The following GLRA3 variants were observed in gnomAD, a reference collection of about 807,000 sequenced individuals.
GLRA3 encodes the protein glycine receptor subunit alpha-3.
A neutral mutation model predicts 60.4 loss-of-function variants in GLRA3; 44 were observed. That is an observed-to-expected ratio of 0.73 (90% confidence interval 0.57 to 0.94). The LOEUF is 0.94. Ranked by LOEUF, GLRA3 falls within the 40% of genes least tolerant of loss-of-function variation. The probability of loss-of-function intolerance (pLI) is 0.00; values close to 1 mark genes in which losing one functional copy is unlikely to be tolerated. For missense variants in GLRA3, 508 were observed against 564.6 expected (o/e 0.90, Z 1.02); for synonymous variants, 223 against 192.9 (o/e 1.16, Z -1.29).
intron 3 of GLRA3, among the ~76,000 whole-genome samples, chr4:174,745,172 A>T (rs959142199): frequency 1.3e-5 from 2 of 152,216 alleles, no homozygotes; most frequent in Non-Finnish European, 2.9e-5. Context: ...CAAACATACA[A>T]ATTATTGGTA....
intron 5 of GLRA3, among the ~76,000 whole-genome samples, chr4:174,689,036 C>G (rs1734676537): frequency 6.6e-6 from 1 of 152,096 alleles, no homozygotes; most frequent in South Asian, 2.1e-4. Flanking sequence ...AATCATTTTT[C>G]AGGTATAAGA....
intron 7 of GLRA3, among the ~76,000 whole-genome samples, chr4:174,664,231 G>A (rs532942823): frequency 4.6e-5 from 7 of 152,152 alleles, no homozygotes; most frequent in South Asian, 2.1e-4. Flanking sequence ...CTAATCCATC[G>A]TATCTATCCC....
chr4:174,660,040 TTGTG>T (rs1030935685), intron 7 of GLRA3, among the ~76,000 whole-genome samples: 43 of 151,924 alleles, frequency 2.8e-4, no homozygotes, highest in African/African-American at 9.6e-4. Context: ...ACATTTATTG[TTGTG>T]TGTGTATGTG....
chr4:174,827,015 A>T (rs1049960109), intron 1 of GLRA3, among the ~76,000 whole-genome samples: 1 of 151,928 alleles, frequency 6.6e-6, no homozygotes. Context: ...ATAGAGAAAA[A>T]TTTATTTGAT....
chr4:174,705,075 A>T (rs1448346644), intron 5 of GLRA3, among the ~76,000 whole-genome samples: 1 of 144,092 alleles, frequency 6.9e-6, no homozygotes, highest in African/African-American at 2.5e-5. Context: ...AAGATGGTAC[A>T]TTTTGTTTGT....
intron 2 of GLRA3, among the ~76,000 whole-genome samples, chr4:174,772,957 T>C (rs1023951335): frequency 1.5e-4 from 23 of 152,152 alleles, no homozygotes; most frequent in African/African-American, 5.6e-4. Context: ...ACCCCTTCGG[T>C]TTCTGGTGCA....
intron 1 of GLRA3, among the ~76,000 whole-genome samples, chr4:174,820,911 T>A (rs577304126): frequency 5.7e-4 from 87 of 152,246 alleles, no homozygotes; most frequent in African/African-American, 2.0e-3. Context: ...ATTTTTTTTT[T>A]AAATTTCATA....
At chr4:174,798,760 T>C (rs1430515849) in intron 1 of GLRA3, among the ~76,000 whole-genome samples, 1 of 152,012 alleles carries the variant, frequency 6.6e-6, no homozygotes, top group Non-Finnish European at 1.5e-5. Context: ...CCGTCTCTAC[T>C]AAAAATACAA....
intron 5 of GLRA3, among the ~76,000 whole-genome samples, chr4:174,709,130 G>A (rs1245902489): frequency 1.3e-5 from 2 of 151,840 alleles, no homozygotes; most frequent in Non-Finnish European, 2.9e-5. Flanking sequence ...TGTTGCTAGC[G>A]CTTCAAACAG....
intron 1 of GLRA3, among the ~76,000 whole-genome samples, chr4:174,794,216 A>G (rs1394422529): frequency 6.6e-6 from 1 of 152,154 alleles, no homozygotes; most frequent in Non-Finnish European, 1.5e-5. Context: ...ACCTATTATA[A>G]TAGTTTGATA....
chr4:174,807,414 A>C (rs1740094981), intron 1 of GLRA3, among the ~76,000 whole-genome samples: 1 of 152,136 alleles, frequency 6.6e-6, no homozygotes, highest in Non-Finnish European at 1.5e-5. Context: ...ACAGCAAACG[A>C]GAAATTCCTA....
chr4:174,707,406 T>C (rs900630119), intron 5 of GLRA3, among the ~76,000 whole-genome samples: 4 of 152,222 alleles, frequency 2.6e-5, no homozygotes, highest in African/African-American at 9.6e-5. Flanking sequence ...ACATAGAACT[T>C]AGTTGTAGTA....
At chr4:174,683,198 G>A (rs1470724367) in intron 5 of GLRA3, among the ~76,000 whole-genome samples, 1 of 151,960 alleles carries the variant, frequency 6.6e-6, no homozygotes, top group Non-Finnish European at 1.5e-5. Flanking sequence ...AAACTTGAAG[G>A]GGCATGCATA....
chr4:174,733,652 TAAATA>T (rs1341124441), intron 3 of GLRA3, among the ~76,000 whole-genome samples: 1 of 152,110 alleles, frequency 6.6e-6, no homozygotes, highest in Non-Finnish European at 1.5e-5. Flanking sequence ...GAGGCAACCT[TAAATA>T]AACAGTTCAC....
At chr4:174,758,971 G>A (rs2111216717) in intron 3 of GLRA3, among the ~76,000 whole-genome samples, 1 of 152,104 alleles carries the variant, frequency 6.6e-6, no homozygotes, top group South Asian at 2.1e-4. Context: ...TGTTTGTTTT[G>A]TATTTAATGC....
chr4:174,778,342 C>CT (rs1012707870), intron 2 of GLRA3, among the ~76,000 whole-genome samples: 37 of 151,214 alleles, frequency 2.4e-4, no homozygotes, highest in African/African-American at 3.9e-4. Flanking sequence ...CTTTTCTTTT[C>CT]TTTTTTTTTC....
intron 7 of GLRA3, among the ~76,000 whole-genome samples, chr4:174,675,105 C>T (rs996710182): frequency 6.6e-6 from 1 of 152,078 alleles, no homozygotes; most frequent in African/African-American, 2.4e-5. Context: ...TTTAAGGTAT[C>T]ACTTTCTCAA....
rs550365667 is a variant in GLRA3, at chr4:174,693,349, G to T, written c.575-10410C>A. The stretch of plus-strand genomic sequence containing the variant: ...TGATTTTTGTATATGGTGTAAGGAA[G>T]GGGTCCAGCTTCAATCTTTTGCATA... On this transcript the variant is annotated intron_variant, in intron 5 of 9. Coordinates refer to ENST00000274093, the MANE Select transcript of GLRA3 (RefSeq NM_006529.4). Among the ~76,000 whole-genome samples the T allele has an allele frequency of 7.9e-4, 121 of 152,264 alleles. 2 individuals are homozygous for T. The highest frequency in any genetic ancestry group is 2.5e-3 in the South Asian group (12 of 4,822).
chr4:174,827,386 C>A (rs947947058), intron 1 of GLRA3, among the ~76,000 whole-genome samples: 1 of 151,472 alleles, frequency 6.6e-6, no homozygotes, highest in Non-Finnish European at 1.5e-5. Flanking sequence ...ATCAACTAAG[C>A]TAATCTGATT....
Sources: gnomAD v4.1 joint callset for allele counts (sites outside exome capture counted in the v4.1 genomes callset) on GRCh38, gnomAD v4.1.1 for gene constraint, MANE v1.5 for transcripts, NCBI Gene and HGNC (gene_info 2026-07-23, HGNC 2026-07-21) for gene names.